The following POU6F2 variants were observed in gnomAD, a reference collection of about 807,000 sequenced individuals.
The protein encoded by POU6F2 is POU class 6 homeobox 2, also known as POU domain, class 6, transcription factor 2.
In POU6F2, 31 loss-of-function variants were observed where a neutral mutation model predicts 71.3. The observed-to-expected ratio is 0.43, with a 90% confidence interval of 0.33 to 0.59. The LOEUF is 0.59. Among genes scored for constraint, POU6F2 ranks in the 20% least tolerant of loss-of-function variants. The probability of loss-of-function intolerance (pLI) is 0.04; values close to 1 mark genes in which losing one functional copy is unlikely to be tolerated. For synonymous variants in POU6F2, 347 were observed against 355.7 expected (o/e 0.98, Z 0.27); for missense variants, 783 against 856.8 (o/e 0.91, Z 1.07).
intron 6 of POU6F2, among the ~76,000 whole-genome samples, chr7:39,424,395 C>T (rs1292771253): frequency 3.3e-5 from 5 of 152,094 alleles, no homozygotes; most frequent in Non-Finnish European, 7.4e-5. Context: ...AAAAAAGTAC[C>T]GTAGAGAAAT....
Position 39,464,980 on chromosome 7 carries a change from A to C in POU6F2, c.*294A>C. Reference sequence around the variant, plus strand: ...TCCCTTCCCCCACCTGTCTCCCCCAAAGCCAGTTTTTTAATGGACTTAAAG... The same window carrying C: ...TCCCTTCCCCCACCTGTCTCCCCCACAGCCAGTTTTTTAATGGACTTAAAG... On this transcript the variant is annotated 3_prime_UTR_variant, in exon 10 of 10. Coordinates refer to ENST00000518318, the MANE Select transcript of POU6F2 (RefSeq NM_001370959.1). The surrounding 1 kb of genome is among the most constrained non-coding windows in gnomAD (Gnocchi z 4.1). 6.2e-6 allele frequency: 2 copies of C among 323,998 alleles called. No individual in the cohort carries two copies. Among genetic ancestry groups the C allele is most frequent in the East Asian group, 5.0e-5 (1 of 20,062 alleles). The allele number at this position is 323,998 out of a possible 1,614,324, so 20.1% of individuals were successfully genotyped here. A position where few individuals can be genotyped will look rare whatever the true frequency, so the allele number is the denominator to read the frequency against.
intron 4 of POU6F2, among the ~76,000 whole-genome samples, chr7:39,211,056 A>G (rs1417208205): frequency 6.6e-6 from 1 of 152,126 alleles, no homozygotes; most frequent in African/African-American, 2.4e-5. Flanking sequence ...CCCACCACAG[A>G]AGGTATGAGA....
At chr7:39,348,043 G>A (rs2115656657) in intron 5 of POU6F2, among the ~76,000 whole-genome samples, 1 of 144,342 alleles carries the variant, frequency 6.9e-6, no homozygotes, top group South Asian at 2.2e-4. Flanking sequence ...TCAATAGTTG[G>A]GAAAATTGGT....
chr7:39,163,471 G>T (rs1262449816), intron 2 of POU6F2, among the ~76,000 whole-genome samples: 1 of 152,130 alleles, frequency 6.6e-6, no homozygotes, highest in African/African-American at 2.4e-5. Context: ...CACTTATGAG[G>T]TGATTTTGAC....
intron 1 of POU6F2, among the ~76,000 whole-genome samples, chr7:39,000,560 CA>C (rs35601518): frequency 0.17 from 24,271 of 146,910 alleles, 2,125 homozygotes; most frequent in Non-Finnish European, 0.22. Flanking sequence ...CACACACACA[CA>C]CACACCCTCC....
intron 1 of POU6F2, among the ~76,000 whole-genome samples, chr7:39,056,650 CT>C (rs1790526620): frequency 8.7e-6 from 1 of 115,242 alleles, no homozygotes; most frequent in Non-Finnish European, 1.7e-5. Context: ...TTCTCTTTTT[CT>C]CTCTCTCTCT....
Position 39,460,606 on chromosome 7 carries a change from G to A in POU6F2, c.1549G>A (p.Ala517Thr). The A allele has an allele frequency of 6.2e-7, 1 of 1,613,022 alleles. No homozygotes were observed. Among genetic ancestry groups the A allele is most frequent in the Non-Finnish European group, 8.5e-7 (1 of 1,179,530 alleles). ...GVNLEEIREF[A>T]KAFKIRRLSL... Reference sequence around the variant, plus strand: ...TAATCTGGAGGAGATCCGAGAATTTGCCAAAGCTTTTAAAATCCGGCGCCT... The same window carrying A: ...TAATCTGGAGGAGATCCGAGAATTTACCAAAGCTTTTAAAATCCGGCGCCT... Residue 517 changes from alanine to threonine, a missense_variant, in exon 9 of 10, where the codon GCC becomes ACC. By Grantham distance (58) the Ala-to-Thr change is moderately conservative. Coordinates refer to ENST00000518318, the MANE Select transcript of POU6F2 (RefSeq NM_001370959.1). The surrounding 1 kb of genome is among the most constrained non-coding windows in gnomAD (Gnocchi z 4.4).
chr7:39,342,919 G>A (rs960650984), intron 5 of POU6F2, among the ~76,000 whole-genome samples: 1 of 152,176 alleles, frequency 6.6e-6, no homozygotes, highest in African/African-American at 2.4e-5. Flanking sequence ...TATCCTTTCA[G>A]AGACGCACAG....
chr7:39,221,991 T>TA (rs979301768), intron 4 of POU6F2, among the ~76,000 whole-genome samples: 4 of 152,046 alleles, frequency 2.6e-5, no homozygotes, highest in African/African-American at 7.2e-5. Flanking sequence ...TTTCTGGGAT[T>TA]AAAAAAAAGT....
intron 2 of POU6F2, among the ~76,000 whole-genome samples, chr7:39,199,245 C>T (rs985920146): frequency 1.3e-5 from 2 of 152,134 alleles, no homozygotes; most frequent in Admixed American, 6.5e-5. Flanking sequence ...CAGTTCTGTT[C>T]CTTTCTCAAT....
intron 1 of POU6F2, among the ~76,000 whole-genome samples, chr7:38,983,930 TTTTTG>T (rs973815687): frequency 6.6e-6 from 1 of 152,196 alleles, no homozygotes; most frequent in African/African-American, 2.4e-5. Flanking sequence ...AGAAAATAGC[TTTTTG>T]TTTTATCAGT....
intron 5 of POU6F2, among the ~76,000 whole-genome samples, chr7:39,341,997 T>A (rs1488307123): frequency 6.6e-6 from 1 of 152,252 alleles, no homozygotes; most frequent in Non-Finnish European, 1.5e-5. Flanking sequence ...CAGAGCTACA[T>A]TTCTTTCTTT....
chr7:39,234,358 G>A (rs139112088), intron 4 of POU6F2, among the ~76,000 whole-genome samples: 1 of 152,246 alleles, frequency 6.6e-6, no homozygotes, highest in East Asian at 1.9e-4. Context: ...CCCCAACCCT[G>A]TCCCAGAGAA....
At chr7:39,405,459 A>G (rs571338000) in intron 5 of POU6F2, among the ~76,000 whole-genome samples, 1 of 152,320 alleles carries the variant, frequency 6.6e-6, no homozygotes, top group South Asian at 2.1e-4. Flanking sequence ...ACCTAGTCTT[A>G]GTCGTGGCAG....
At chr7:39,186,898 CTTG>C (rs1336814832) in intron 2 of POU6F2, among the ~76,000 whole-genome samples, 1 of 152,216 alleles carries the variant, frequency 6.6e-6, no homozygotes, top group East Asian at 1.9e-4. Flanking sequence ...ATCTCAGTAT[CTTG>C]TCAGATCAAA....
In POU6F2 at chr7:39,309,559, TA is replaced by T. The variant is rs545646549; in HGVS notation, c.599-30075del. Among the ~76,000 whole-genome samples the T allele has an allele frequency of 4.6e-3, 695 of 152,272 alleles. 3 individuals carry two copies. Among genetic ancestry groups the T allele is most frequent in the African/African-American group, 0.016 (661 of 41,552 alleles). On this transcript the variant is annotated intron_variant, in intron 4 of 9. Coordinates refer to ENST00000518318, the MANE Select transcript of POU6F2 (RefSeq NM_001370959.1). ...GCTAGCTCTAGAAACTCCACACCTT[TA>T]AAAAAAATTTTTTTTCCTCAGGTTC... is the stretch of plus-strand genomic sequence containing the variant.
intron 2 of POU6F2, among the ~76,000 whole-genome samples, chr7:39,090,800 T>C (rs1160858202): frequency 6.6e-6 from 1 of 152,210 alleles, no homozygotes; most frequent in Non-Finnish European, 1.5e-5. Context: ...CTAAATAATT[T>C]GGTAATAGAT....
chr7:39,036,878 A>G (rs1790077142), intron 1 of POU6F2, among the ~76,000 whole-genome samples: 1 of 150,284 alleles, frequency 6.7e-6, no homozygotes, highest in East Asian at 2.0e-4. Flanking sequence ...ACCTGTTATT[A>G]TTATTATTAT....
intron 1 of POU6F2, among the ~76,000 whole-genome samples, chr7:39,027,290 C>G (rs1417109303): frequency 6.6e-6 from 1 of 152,126 alleles, no homozygotes; most frequent in Non-Finnish European, 1.5e-5. Context: ...AAACCCTCAC[C>G]ATTACTGTAC....
Sources: allele counts gnomAD v4.1 joint callset (sites outside exome capture counted in the v4.1 genomes callset), GRCh38; gene constraint gnomAD v4.1.1; non-coding constraint Gnocchi (gnomAD v3.1); transcripts MANE v1.5; gene names NCBI Gene and HGNC (gene_info 2026-07-23, HGNC 2026-07-21).